Variants in ZNF91 observed in about 807,000 individuals in gnomAD.
The protein encoded by ZNF91 is zinc finger protein 91, also known as zinc finger protein 91 (HPF7, HTF10).
A neutral mutation model predicts 12.6 loss-of-function variants in ZNF91; 7 were observed. The observed-to-expected ratio is 0.55, with a 90% CI of 0.31 to 1.04. The LOEUF (loss-of-function observed/expected upper bound fraction) is 1.04. Among genes scored for constraint, ZNF91 ranks in the 50% least tolerant of loss-of-function variants. ZNF91 has a pLI of 0.05. For missense variants in ZNF91, 1,217 were observed against 1,385.4 expected, an observed-to-expected ratio of 0.88 and a Z score of 1.93; for synonymous variants, 453 against 462.6, an observed-to-expected ratio of 0.98 and a Z score of 0.27.
In ZNF91 at chr19:23,357,731, T is replaced by A. The variant is rs549638003; in HGVS notation, c.*1672A>T. Reference sequence around the variant, plus strand: ...ACTTATGTTTGTATATAAGTTTTATTATGACCATAAAAATAATCCTGTAGT... The same window carrying A: ...ACTTATGTTTGTATATAAGTTTTATAATGACCATAAAAATAATCCTGTAGT... On this transcript the variant is annotated 3_prime_UTR_variant, in exon 4 of 4. Transcript: ENST00000300619. 1 of 152,208 alleles carries A rather than the reference T, an allele frequency of 6.6e-6. No individual in the cohort carries two copies. Among genetic ancestry groups the A allele is most frequent in the Non-Finnish European group, 1.5e-5 (1 of 68,018 alleles). The allele number at this position is 152,208 out of a possible 1,614,324, so 9.4% of individuals were successfully genotyped here.
chr19:23,362,173 T>G lies in ZNF91; in HGVS notation c.806A>C (p.Glu269Ala). The G allele has an allele frequency of 1.2e-6, 2 of 1,613,182 alleles. No individual in the cohort carries two copies. Among genetic ancestry groups the G allele is most frequent in the Non-Finnish European group, 1.7e-6 (2 of 1,179,380 alleles). The change falls in exon 4 of 4, where the codon GAA becomes GCA. Residue 269 changes from glutamate (E) to alanine (A), a missense_variant. Around this residue, in one of 2 missense-constraint regions of ZNF91, gnomAD observed 726 missense variants for 895.5 expected, o/e 0.81. Transcript: ENST00000300619. ...ICAKEKIYKC[E>A]ECGKAFLWSS... The stretch of plus-strand genomic sequence containing the variant: ...CCATAGAAATGCTTTGCCACATTCT[T>G]CACACTTGTAGATTTTCTCTTTAGC...
chr19:23,381,636 T>A (rs1211506072), intron 1 of ZNF91, among the ~76,000 whole-genome samples: 2 of 152,068 alleles, frequency 1.3e-5, no homozygotes, highest in Non-Finnish European at 2.9e-5. Flanking sequence ...AATTTTGTAT[T>A]TTTAGTAGAG....
intron 1 of ZNF91, among the ~76,000 whole-genome samples, chr19:23,330,711 C>T (rs1229313498): frequency 1.3e-5 from 2 of 152,076 alleles, no homozygotes; most frequent in Non-Finnish European, 2.9e-5. Context: ...CTTTAAAAAG[C>T]CCTCCCTACT....
rs1968258769 is a variant in ZNF91 at position 23,347,439 on chromosome 19, G to C, written c.254-8385C>G. On this transcript the variant is annotated intron_variant, in intron 3 of 3. Coordinates refer to the ZNF91 transcript ENST00000599743. ...CAATCCTATTTTGGTGGGAAATCTA[G>C]CAGATAGAGAAGCCAAACAAGTAGC... Among the ~76,000 whole-genome samples, 7 of 152,086 alleles carry C rather than the reference G, an allele frequency of 4.6e-5. No individual in the cohort carries two copies. The South Asian group carries it at 1.5e-3, about 32-fold the overall frequency.
intron 3 of ZNF91, among the ~76,000 whole-genome samples, chr19:23,369,029 T>G (rs1401923794): frequency 1.3e-5 from 2 of 152,028 alleles, no homozygotes; most frequent in Non-Finnish European, 2.9e-5. Flanking sequence ...ATGAAACCCT[T>G]GGCTGGGCAC....
chr19:23,307,435 C>A (rs2145839149), intron 2 of ZNF91: 1 of 152,322 alleles, frequency 6.6e-6, no homozygotes, highest in East Asian at 1.9e-4. Context: ...TTGCTTAGTC[C>A]AGCATACATG....
intron 3 of ZNF91, among the ~76,000 whole-genome samples, chr19:23,364,389 G>A (rs1339460504): frequency 6.6e-6 from 1 of 152,140 alleles, no homozygotes; most frequent in Non-Finnish European, 1.5e-5. Flanking sequence ...TGGTTGTGGT[G>A]AGCCGAGATC....
At chr19:23,354,076 T>A (rs990687682), downstream of ZNF91, among the ~76,000 whole-genome samples, 3 of 152,130 alleles carry the variant, frequency 2.0e-5, no homozygotes, top group Non-Finnish European at 4.4e-5. Flanking sequence ...GGAGGAACCC[T>A]CCCTAATTCA....
At chr19:23,333,118 C>T (rs1259692800) in intron 1 of ZNF91, among the ~76,000 whole-genome samples, 4 of 152,114 alleles carry the variant, frequency 2.6e-5, no homozygotes, top group Admixed American at 2.6e-4. Context: ...TGTGGACACC[C>T]ACTTTTAACC....
In ZNF91 at chr19:23,359,216, T is replaced by C. The variant is rs906322607; in HGVS notation, c.*187A>G. On this transcript the variant is annotated 3_prime_UTR_variant, in exon 4 of 4. Transcript: ENST00000300619. ...TTATATTTGTAGGGTTTCTCTCTAG[T>C]ATGAATTTTCTTTTTTTTTTTTTTG... 10 of 485,942 alleles carry C rather than the reference T, an allele frequency of 2.1e-5. No homozygotes were observed. Among genetic ancestry groups the C allele is most frequent in the East Asian group, 4.1e-5 (1 of 24,328 alleles). 30.1% of individuals were successfully genotyped at this position (485,942 alleles called of 1,614,324 possible).
chr19:23,372,996 A>C (rs1969345655), intron 3 of ZNF91, among the ~76,000 whole-genome samples: 1 of 152,170 alleles, frequency 6.6e-6, no homozygotes, highest in Admixed American at 6.5e-5. Context: ...AATTATAACT[A>C]TCCAAGCCCC....
At chr19:23,317,935 T>C (rs1967602331) in intron 1 of ZNF91, among the ~76,000 whole-genome samples, 1 of 152,226 alleles carries the variant, frequency 6.6e-6, no homozygotes, top group Non-Finnish European at 1.5e-5. Flanking sequence ...TCTTTCTGCA[T>C]GTGAGATTGT....
intron 1 of ZNF91, among the ~76,000 whole-genome samples, chr19:23,379,057 GC>G (rs1969607282): frequency 6.6e-6 from 1 of 152,160 alleles, no homozygotes; most frequent in African/African-American, 2.4e-5. Context: ...ACTCTAGTCA[GC>G]CTGACACAAT....
intron 1 of ZNF91, among the ~76,000 whole-genome samples, chr19:23,394,873 G>T (rs1041493241): frequency 7.9e-5 from 12 of 152,170 alleles, no homozygotes; most frequent in Admixed American, 7.8e-4. Context: ...GCTCTACAAT[G>T]TTTGAATCAC....
downstream of ZNF91, among the ~76,000 whole-genome samples, chr19:23,354,735 G>T (rs2145035791): frequency 6.6e-6 from 1 of 152,176 alleles, no homozygotes; most frequent in African/African-American, 2.4e-5. Context: ...GACTCCTCCA[G>T]AAAGCTCCTA....
chr19:23,337,294 A>G (rs901867161), downstream of ZNF91, among the ~76,000 whole-genome samples: 2 of 152,020 alleles, frequency 1.3e-5, no homozygotes, highest in Admixed American at 1.3e-4. Context: ...TTTTATATAT[A>G]TATGTATTTA....
chr19:23,365,943 G>A (rs1968988083), intron 3 of ZNF91, among the ~76,000 whole-genome samples: 2 of 152,198 alleles, frequency 1.3e-5, no homozygotes, highest in Non-Finnish European at 2.9e-5. Flanking sequence ...ACAGAACAAA[G>A]TGAAAAGTCT....
intron 1 of ZNF91, among the ~76,000 whole-genome samples, chr19:23,333,338 G>A (rs1411702551): frequency 6.6e-6 from 1 of 152,122 alleles, no homozygotes; most frequent in Non-Finnish European, 1.5e-5. Context: ...ATTTGCATTG[G>A]GGTGATCCTA....
rs147928500 is a variant in ZNF91 at position 23,381,052 on chromosome 19, T to C, written c.31-6288A>G. ...CTAAAATTATACTTACCTATAACTA[T>C]CCCTATTGGTTAAATTAATAAGTAT... On this transcript the variant is annotated intron_variant, in intron 1 of 3. Transcript: ENST00000300619. Among the ~76,000 whole-genome samples the C allele has an allele frequency of 7.0e-4, 107 of 152,290 alleles. 1 individual carries two copies. In the East Asian group the frequency reaches 0.017, roughly 24 times the overall value.
Sources: allele counts gnomAD v4.1 joint callset (sites outside exome capture counted in the v4.1 genomes callset), GRCh38; gene constraint gnomAD v4.1.1; regional missense constraint gnomAD v4.1.1; transcripts MANE v1.5; gene names NCBI Gene and HGNC (gene_info 2026-07-23, HGNC 2026-07-21).